MORC3: variants seen among roughly 807,000 people sequenced by gnomAD.
MORC3 encodes MORC family CW-type zinc finger 3.
A neutral mutation model predicts 109.1 loss-of-function variants in MORC3; 31 were observed. The ratio of observed to expected loss-of-function variants is 0.28; its 90% CI spans 0.21 to 0.38. The LOEUF is 0.38. Ranked by LOEUF, MORC3 falls within the 10% of genes least tolerant of loss-of-function variation. MORC3 has a pLI of 1.00. For synonymous variants in MORC3, 395 were observed against 380.7 expected, an observed-to-expected ratio of 1.04 and a Z score of -0.44; for missense variants, 867 against 1,135.8, an observed-to-expected ratio of 0.76 and a Z score of 3.40.
At chr21:36,336,400 G>T (rs1418226206) in intron 2 of MORC3, among the ~76,000 whole-genome samples, 1 of 151,662 alleles carries the variant, frequency 6.6e-6, no homozygotes, top group Admixed American at 6.6e-5. Context: ...GTGCCACCAT[G>T]CCTGGCGGAT....
At position 36,375,405 on chromosome 21, in the gene MORC3, A is replaced by G. The variant is rs546963169; in HGVS notation, c.*109A>G. On this transcript the variant is annotated 3_prime_UTR_variant, in exon 17 of 17. Coordinates refer to ENST00000400485, the MANE Select transcript of MORC3 (RefSeq NM_015358.3). ...TATGATAGGCAACAGACTGAAAACC[A>G]TAATCTTTACTGTATTCTATGCATT... 9.3e-5 allele frequency: 94 copies of G among 1,011,698 alleles called. No individual in the cohort carries two copies. The highest frequency in any genetic ancestry group is 1.2e-4 in the Non-Finnish European group (87 of 710,258). The allele number at this position is 1,011,698 out of a possible 1,614,324, so 62.7% of individuals were successfully genotyped here.
chr21:36,374,083 A>AATT (rs529030109), intron 16 of MORC3, among the ~76,000 whole-genome samples: 2 of 151,876 alleles, frequency 1.3e-5, no homozygotes, highest in Non-Finnish European at 2.9e-5. Context: ...GCAGTCCTAC[A>AATT]ATTATTATTA....
chr21:36,338,682 AG>A, intron 4 of MORC3, 91 bp from the exon 5 acceptor site: 2 of 1,196,794 alleles, frequency 1.7e-6, no homozygotes, highest in Non-Finnish European at 2.3e-6. Context: ...ATTTATAAAT[AG>A]TTTTTCTGTT....
intron 9 of MORC3, among the ~76,000 whole-genome samples, chr21:36,353,919 A>T (rs571178622): frequency 6.6e-6 from 1 of 151,584 alleles, no homozygotes; most frequent in African/African-American, 2.4e-5. Context: ...AAAAATAAAA[A>T]AATTAGCCGG....
At chr21:36,344,096 TAGG>T (rs2085481819) in intron 6 of MORC3, among the ~76,000 whole-genome samples, 1 of 152,028 alleles carries the variant, frequency 6.6e-6, no homozygotes, top group East Asian at 1.9e-4. Flanking sequence ...TCAGGAAAAG[TAGG>T]AGAAGCTTTT....
At chr21:36,354,502 CCCA>C (rs2085622218) in intron 9 of MORC3, among the ~76,000 whole-genome samples, 1 of 149,372 alleles carries the variant, frequency 6.7e-6, no homozygotes, top group Non-Finnish European at 1.5e-5. Flanking sequence ...ATGGGGTTTC[CCCA>C]TATTGGCCAG....
chr21:36,370,620 T>C (rs1176393921), intron 15 of MORC3, among the ~76,000 whole-genome samples: 1 of 17,480 alleles, frequency 5.7e-5, no homozygotes, highest in Non-Finnish European at 1.1e-4. Flanking sequence ...TACATATATA[T>C]ATATATATAT....
chr21:36,357,958 C>G (rs888670662), intron 10 of MORC3, among the ~76,000 whole-genome samples: 21 of 151,812 alleles, frequency 1.4e-4, no homozygotes, highest in Non-Finnish European at 1.9e-4. Context: ...CCAGGCTGGT[C>G]TTGAACTCCT....
Position 36,375,379 on chromosome 21 carries a change from A to G in MORC3, c.*83A>G, listed in dbSNP as rs2085918793. The G allele has an allele frequency of 2.4e-6, 3 of 1,271,992 alleles. No individual in the cohort carries two copies. The East Asian group carries it at 7.5e-5, about 32-fold the overall frequency. 78.8% of individuals were successfully genotyped at this position (1,271,992 alleles called of 1,614,324 possible). ...AAATATAATTAATTTTGTTTTATAG[A>G]TATGATAGGCAACAGACTGAAAACC... On this transcript the variant is annotated 3_prime_UTR_variant, in exon 17 of 17. Transcript: ENST00000400485.
At chr21:36,338,339 C>A (rs558962090) in intron 4 of MORC3, among the ~76,000 whole-genome samples, 1 of 152,132 alleles carries the variant, frequency 6.6e-6, no homozygotes, top group East Asian at 1.9e-4. Flanking sequence ...GAATAATAAT[C>A]TGCTTATTTT....
At chr21:36,338,638 C>T (rs1253976713) in intron 4 of MORC3, 136 bp from the exon 5 acceptor site, 1 of 828,986 alleles carries the variant, frequency 1.2e-6, no homozygotes, top group Admixed American at 3.1e-5. Context: ...AATAGTGAGA[C>T]CCTATCTCAC....
intron 13 of MORC3, among the ~76,000 whole-genome samples, chr21:36,363,712 G>A (rs911379074): frequency 6.6e-6 from 1 of 152,184 alleles, no homozygotes; most frequent in South Asian, 2.1e-4. Flanking sequence ...TTGTAAATCA[G>A]GGGCCATCTG....
chr21:36,343,191 G>A (rs537652802), intron 6 of MORC3, among the ~76,000 whole-genome samples: 2 of 151,742 alleles, frequency 1.3e-5, no homozygotes, highest in East Asian at 3.9e-4. Context: ...CACCTCCTGG[G>A]TTCAAGGGAT....
At chr21:36,325,208 A>C (rs1385851667) in intron 1 of MORC3, among the ~76,000 whole-genome samples, 2 of 152,192 alleles carry the variant, frequency 1.3e-5, no homozygotes, top group African/African-American at 4.8e-5. Flanking sequence ...AAAAACTGAA[A>C]ATTTTAAAAA....
chr21:36,332,709 G>A (rs547768302), intron 1 of MORC3, among the ~76,000 whole-genome samples: 1 of 150,218 alleles, frequency 6.7e-6, no homozygotes, highest in Non-Finnish European at 1.5e-5. Context: ...ATACTATTAG[G>A]TTGTAGTTCC....
At chr21:36,369,940 C>T (rs906026069) in intron 15 of MORC3, 64 bp downstream of exon 15, 23 of 1,553,886 alleles carry the variant, frequency 1.5e-5, no homozygotes, top group Admixed American at 1.3e-4. Context: ...AAGAAGCTGC[C>T]AGTTGGCTGG....
At chr21:36,372,984 G>A (rs778989491) in intron 16 of MORC3, among the ~76,000 whole-genome samples, 21 of 152,036 alleles carry the variant, frequency 1.4e-4, no homozygotes, top group Non-Finnish European at 2.8e-4. Context: ...AATCTTTTAG[G>A]AAATTGCAAA....
chr21:36,364,753 T>TA (rs1237909126), intron 14 of MORC3, among the ~76,000 whole-genome samples: 1 of 151,712 alleles, frequency 6.6e-6, no homozygotes, highest in Non-Finnish European at 1.5e-5. Context: ...GATCAGGACT[T>TA]AAAAAAATGT....
At chr21:36,359,680 A>C (rs1230967086) in intron 10 of MORC3, among the ~76,000 whole-genome samples, 1 of 150,280 alleles carries the variant, frequency 6.7e-6, no homozygotes, top group Non-Finnish European at 1.5e-5. Flanking sequence ...CAGCCTCCCA[A>C]GTAGCAGGGA....
Sources: gnomAD v4.1 joint callset for allele counts (sites outside exome capture counted in the v4.1 genomes callset) on GRCh38, gnomAD v4.1.1 for gene constraint, MANE v1.5 for transcripts, NCBI Gene and HGNC (gene_info 2026-07-23, HGNC 2026-07-21) for gene names.